CBFA2T2: variants seen among roughly 807,000 people sequenced by gnomAD.
CBFA2T2 encodes the protein CBFA2/RUNX1 partner transcriptional co-repressor 2, also known as protein CBFA2T2.
CBFA2T2 carries 11 observed loss-of-function variants against 62.2 expected under a neutral mutation model. The ratio of observed to expected loss-of-function variants is 0.18; its 90% CI spans 0.11 to 0.29. The LOEUF (loss-of-function observed/expected upper bound fraction) is 0.29, where lower values mean the gene tolerates loss of function less well. Among genes scored for constraint, CBFA2T2 ranks in the 10% least tolerant of loss-of-function variants. The pLI, the probability that CBFA2T2 is intolerant of heterozygous loss-of-function variation, is 1.00. For synonymous variants in CBFA2T2, 295 were observed against 287.5 expected (o/e 1.03, Z -0.27); for missense variants, 592 against 774.1 (o/e 0.76, Z 2.79).
chr20:33,642,116 T>TTTTGTGTGTG (rs1313728159), intron 10 of CBFA2T2, among the ~76,000 whole-genome samples: 2 of 59,012 alleles, frequency 3.4e-5, no homozygotes, highest in South Asian at 6.6e-4. Context: ...TTTTTTTTTT[T>TTTTGTGTGTG]TGTGTGTGTG....
chr20:33,623,844 C>T (rs1568860439), intron 5 of CBFA2T2: 1 of 717,368 alleles, frequency 1.4e-6, no homozygotes, highest in East Asian at 2.7e-5. Flanking sequence ...CTTCAGATGC[C>T]TGCACACCCG....
chr20:33,567,187 T>G (rs2013357716), intron 1 of CBFA2T2, among the ~76,000 whole-genome samples: 1 of 152,276 alleles, frequency 6.6e-6, no homozygotes, highest in South Asian at 2.1e-4. Flanking sequence ...AAAATGCATA[T>G]GGATTTAATT....
chr20:33,629,980 A>C (rs981757688), intron 8 of CBFA2T2, 66 bp downstream of exon 8: 2 of 1,394,780 alleles, frequency 1.4e-6, no homozygotes, highest in South Asian at 1.5e-5. Flanking sequence ...AATCTGTCAC[A>C]GAAGGCGTTT....
intron 1 of CBFA2T2, among the ~76,000 whole-genome samples, chr20:33,566,707 A>G (rs1035727322): frequency 1.3e-5 from 2 of 152,232 alleles, no homozygotes; most frequent in Non-Finnish European, 2.9e-5. Flanking sequence ...CAGAATTTAG[A>G]AGGACAGGAA....
intron 1 of CBFA2T2, among the ~76,000 whole-genome samples, chr20:33,561,720 ATTATG>A (rs2013098518): frequency 1.3e-5 from 2 of 152,206 alleles, no homozygotes; most frequent in Admixed American, 6.5e-5. Flanking sequence ...AATGTTAAAT[ATTATG>A]TTATTTCTGA....
At chr20:33,590,125 A>G (rs971764663) in intron 1 of CBFA2T2, among the ~76,000 whole-genome samples, 2 of 151,894 alleles carry the variant, frequency 1.3e-5, no homozygotes, top group Non-Finnish European at 1.5e-5. Context: ...ATGCACCTAT[A>G]GTTCCAGCTA....
At chr20:33,501,950 A>AT (rs34680325) in intron 1 of CBFA2T2, among the ~76,000 whole-genome samples, 150,072 of 152,096 alleles carry the variant, frequency 0.99, 74,068 homozygotes, top group East Asian at 1. Flanking sequence ...TAATTACAAA[A>AT]TTTACTTAAT....
intron 1 of CBFA2T2, among the ~76,000 whole-genome samples, chr20:33,526,427 C>T (rs535578833): frequency 1.3e-5 from 2 of 152,126 alleles, no homozygotes; most frequent in Non-Finnish European, 2.9e-5. Flanking sequence ...GCTAGTTCAA[C>T]GTTTGTAGCA....
chr20:33,587,483 G>A (rs1230248633), intron 1 of CBFA2T2, among the ~76,000 whole-genome samples: 1 of 150,266 alleles, frequency 6.7e-6, no homozygotes, highest in Middle Eastern at 3.5e-3. Flanking sequence ...AGCCAGGATG[G>A]TCTTGATCTT....
At chr20:33,511,776 C>T (rs576987403) in intron 1 of CBFA2T2, among the ~76,000 whole-genome samples, 1 of 152,184 alleles carries the variant, frequency 6.6e-6, no homozygotes, top group East Asian at 1.9e-4. Flanking sequence ...CCCAGCTACT[C>T]AGGAGGCTGA....
intron 1 of CBFA2T2, among the ~76,000 whole-genome samples, chr20:33,570,151 C>T (rs1479515516): frequency 6.6e-6 from 1 of 152,176 alleles, no homozygotes. Context: ...TGTGGTGGCA[C>T]ATGCCTGTAA....
intron 1 of CBFA2T2, among the ~76,000 whole-genome samples, chr20:33,539,464 T>TTAC (rs1392569045): frequency 6.7e-6 from 1 of 150,222 alleles, no homozygotes; most frequent in African/African-American, 2.4e-5. Flanking sequence ...CCCATCTTTA[T>TTAC]TACTCATTTC....
intron 10 of CBFA2T2, among the ~76,000 whole-genome samples, chr20:33,643,502 G>A (rs940627504): frequency 2.0e-5 from 3 of 149,780 alleles, no homozygotes; most frequent in African/African-American, 7.4e-5. Flanking sequence ...GAGGATCCCT[G>A]GAGCCTAGGA....
intron 1 of CBFA2T2, among the ~76,000 whole-genome samples, chr20:33,595,932 G>A (rs1375603764): frequency 6.6e-6 from 1 of 152,174 alleles, no homozygotes; most frequent in East Asian, 1.9e-4. Flanking sequence ...GGCATGACTT[G>A]TCCAGGGTTC....
chr20:33,556,508 G>A (rs2012900538), intron 1 of CBFA2T2, among the ~76,000 whole-genome samples: 1 of 152,114 alleles, frequency 6.6e-6, no homozygotes, highest in African/African-American at 2.4e-5. Flanking sequence ...AATTTGTTGG[G>A]TATATTTAGA....
chr20:33,535,597 G>GTTTTTTTTTTTT (rs1161090346), intron 1 of CBFA2T2, among the ~76,000 whole-genome samples: 1 of 136,708 alleles, frequency 7.3e-6, no homozygotes, highest in African/African-American at 3.2e-5. Context: ...CATGGATTGA[G>GTTTTTTTTTTTT]TTTTATTTTT....
rs199805350 is a variant in CBFA2T2 at position 33,621,287 on chromosome 20, C to CTTTTTTTTTTTTTTTTTT, written c.510+1690_510+1707dup. Reference sequence around the variant, plus strand: ...TCTATAATACCTTTAATTTTACTGCCTTTTTTTTTTTTTTTTTTTTTTTTT... The same window carrying CTTTTTTTTTTTTTTTTTT: ...TCTATAATACCTTTAATTTTACTGCCTTTTTTTTTTTTTTTTTTTTTTTTTTTTTTTTTTTTTTTTTTT... On this transcript the variant is annotated intron_variant, in intron 4 of 10. Transcript: ENST00000342704. Among the ~76,000 whole-genome samples the CTTTTTTTTTTTTTTTTTT allele has an allele frequency of 8.2e-4, 70 of 85,294 alleles. 5 individuals are homozygous for CTTTTTTTTTTTTTTTTTT. The highest frequency in any genetic ancestry group is 2.5e-3 in the East Asian group (6 of 2,420). The allele number at this position is 85,294 out of a possible 152,430, so 56.0% of individuals were successfully genotyped here.
chr20:33,619,940 G>A (rs557458868), intron 4 of CBFA2T2, among the ~76,000 whole-genome samples: 1 of 152,268 alleles, frequency 6.6e-6, no homozygotes, highest in East Asian at 1.9e-4. Flanking sequence ...AATCCTTTGG[G>A]TATAGTCAGA....
chr20:33,504,737 T>A (rs1237772417), intron 1 of CBFA2T2, among the ~76,000 whole-genome samples: 1 of 152,166 alleles, frequency 6.6e-6, no homozygotes, highest in Admixed American at 6.6e-5. Context: ...CCAAAATGTT[T>A]TCCAAAATGG....
Sources: gnomAD v4.1 joint callset for allele counts (sites outside exome capture counted in the v4.1 genomes callset) on GRCh38, gnomAD v4.1.1 for gene constraint, MANE v1.5 for transcripts, NCBI Gene and HGNC (gene_info 2026-07-23, HGNC 2026-07-21) for gene names.